Variants in ALDH1A2 observed in about 807,000 individuals in gnomAD.
The protein encoded by ALDH1A2 is retinal dehydrogenase 2.
A neutral mutation model predicts 60.3 loss-of-function variants in ALDH1A2; 27 were observed. The ratio of observed to expected loss-of-function variants is 0.45; its 90% CI spans 0.33 to 0.62. ALDH1A2 has a LOEUF of 0.62. Ranked by LOEUF, ALDH1A2 falls within the 20% of genes least tolerant of loss-of-function variation. The probability of loss-of-function intolerance (pLI) is 0.02; values close to 1 mark genes in which losing one functional copy is unlikely to be tolerated. For missense variants in ALDH1A2, 581 were observed against 643.8 expected, an observed-to-expected ratio of 0.90 and a Z score of 1.06; for synonymous variants, 289 against 232.4, an observed-to-expected ratio of 1.24 and a Z score of -2.21.
At chr15:58,047,709 A>G (rs1315783147) in intron 1 of ALDH1A2, among the ~76,000 whole-genome samples, 1 of 152,040 alleles carries the variant, frequency 6.6e-6, no homozygotes, top group African/African-American at 2.4e-5. Flanking sequence ...TGCTCAGATC[A>G]TTTAGAGAGG....
chr15:57,984,728 T>C (rs1431552652), intron 7 of ALDH1A2, among the ~76,000 whole-genome samples: 4 of 152,248 alleles, frequency 2.6e-5, no homozygotes, highest in Non-Finnish European at 5.9e-5. Context: ...TTCCATTGTA[T>C]GGATAGACCA....
chr15:57,987,110 G>A (rs926176256), intron 7 of ALDH1A2, among the ~76,000 whole-genome samples: 7 of 151,924 alleles, frequency 4.6e-5, no homozygotes, highest in African/African-American at 1.7e-4. Flanking sequence ...ATATACGAAC[G>A]TCAAAGATGA....
chr15:57,990,044 CAGAAAAAGACTAA>C (rs1894842826), intron 7 of ALDH1A2, among the ~76,000 whole-genome samples: 1 of 150,842 alleles, frequency 6.6e-6, no homozygotes, highest in African/African-American at 2.4e-5. Context: ...CAGAAGCTGT[CAGAAAAAGACTAA>C]AGGAGAAGAC....
rs1895026665 is a variant in ALDH1A2, at chr15:57,995,487, G to C, written c.494-348C>G. ...AAATATTAAAATAACATGTAGAACA[G>C]TTGTTTGATTTAAAAACTGAGTCAA... On this transcript the variant is annotated intron_variant, in intron 4 of 12. Coordinates refer to ENST00000249750, the MANE Select transcript of ALDH1A2 (RefSeq NM_003888.4). Among the ~76,000 whole-genome samples, 3 of 152,024 alleles carry C rather than the reference G, an allele frequency of 2.0e-5. No homozygotes were observed. In the South Asian group the frequency reaches 6.2e-4, roughly 31 times the overall value.
rs34970549 is a variant in ALDH1A2 at position 57,994,284 on chromosome 15, A to G, written c.555+794T>C. 2.4e-4 allele frequency among the ~76,000 whole-genome samples: 36 copies of G among 152,314 alleles called. No homozygotes were observed. In the East Asian group the frequency reaches 2.5e-3, roughly 11 times the overall value. The stretch of plus-strand genomic sequence containing the variant: ...TTTCACAGTAACCTGGGATTCATCA[A>G]TTATTCAAATAAATATTATATCTTC... On this transcript the variant is annotated intron_variant, in intron 5 of 12. Coordinates refer to ENST00000249750, the MANE Select transcript of ALDH1A2 (RefSeq NM_003888.4).
In ALDH1A2 at chr15:57,954,078, CA is replaced by C. The variant is rs1207782518; in HGVS notation, c.*1118del. 3 of 152,372 alleles carry C rather than the reference CA, an allele frequency of 2.0e-5. No homozygotes were observed. Among genetic ancestry groups the C allele is most frequent in the Non-Finnish European group, 4.4e-5 (3 of 68,092 alleles). 9.4% of individuals were successfully genotyped at this position (152,372 alleles called of 1,614,324 possible). A position where few individuals can be genotyped will look rare whatever the true frequency, so the allele number is the denominator to read the frequency against. On this transcript the variant is annotated 3_prime_UTR_variant, in exon 13 of 13. Coordinates refer to ENST00000249750, the MANE Select transcript of ALDH1A2 (RefSeq NM_003888.4). ...TCAGTGGAGCACGGCAGTCCTGGCA[CA>C]ATGGAACTTGGCAAATGGAAAAGGA...
Position 58,013,059 on chromosome 15 carries a change from G to C in ALDH1A2, c.363+799C>G, listed in dbSNP as rs35760783. Among the ~76,000 whole-genome samples the C allele has an allele frequency of 2.6e-3, 402 of 152,262 alleles. 1 individual carries two copies. The highest frequency in any genetic ancestry group is 9.2e-3 in the African/African-American group (381 of 41,544). On this transcript the variant is annotated intron_variant, in intron 3 of 12. Transcript: ENST00000249750. ...AAACCCATTAGGGCAGGAGAAGTTC[G>C]TTATGTGAGGAAAATCATTGTTTTA...
Position 58,045,135 on chromosome 15 carries a change from CAT to C in ALDH1A2, c.117+20397_117+20398del, listed in dbSNP as rs1372576302. The stretch of plus-strand genomic sequence containing the variant: ...AGAAGACATTTATGCAGCCAACAAA[CAT>C]ATGAAAAAATGCTCATCATTGGTCA... On this transcript the variant is annotated intron_variant, in intron 1 of 12. Transcript: ENST00000249750. 3.3e-5 allele frequency among the ~76,000 whole-genome samples: 5 copies of C among 151,952 alleles called. No individual in the cohort carries two copies. In the East Asian group the frequency reaches 5.8e-4, roughly 18 times the overall value.
At chr15:58,061,276 A>AT (rs1449950027) in intron 1 of ALDH1A2, among the ~76,000 whole-genome samples, 3 of 150,676 alleles carry the variant, frequency 2.0e-5, no homozygotes, top group African/African-American at 7.4e-5. Flanking sequence ...ATGAAAAAGT[A>AT]TTTAAAAAAA....
At chr15:58,034,056 T>G (rs1462076643) in intron 1 of ALDH1A2, among the ~76,000 whole-genome samples, 2 of 151,774 alleles carry the variant, frequency 1.3e-5, no homozygotes, top group African/African-American at 4.8e-5. Flanking sequence ...GGGATTGCAT[T>G]GAATCTACAT....
At chr15:58,008,505 G>A (rs941841922) in intron 4 of ALDH1A2, among the ~76,000 whole-genome samples, 2 of 152,062 alleles carry the variant, frequency 1.3e-5, no homozygotes, top group Admixed American at 1.3e-4. Flanking sequence ...TATCAGGGAT[G>A]TCAATCAATA....
intron 3 of ALDH1A2, 147 bp from the exon 4 acceptor site, chr15:58,010,925 G>C: frequency 9.1e-7 from 1 of 1,103,478 alleles, no homozygotes; most frequent in Non-Finnish European, 1.3e-6. Context: ...CAAATAAAAA[G>C]ATTTCTAGTA....
intron 12 of ALDH1A2, among the ~76,000 whole-genome samples, chr15:57,957,120 C>G (rs535075394): frequency 5.5e-4 from 83 of 152,200 alleles, no homozygotes; most frequent in African/African-American, 1.9e-3. Context: ...TAGAGCAGCA[C>G]GACTGAGGAG....
At chr15:58,010,563 G>T in intron 4 of ALDH1A2, 86 bp downstream of exon 4, 2 of 1,558,368 alleles carry the variant, frequency 1.3e-6, no homozygotes, top group South Asian at 2.3e-5. Context: ...TCTGTATTCT[G>T]TGTGACTGCT....
chr15:58,022,339 T>C (rs972523939), intron 1 of ALDH1A2, among the ~76,000 whole-genome samples: 4 of 152,188 alleles, frequency 2.6e-5, no homozygotes, highest in Admixed American at 6.5e-5. Flanking sequence ...AGCTGAAATC[T>C]ACCTGCAAGT....
At chr15:58,012,131 T>C (rs1274671337) in intron 3 of ALDH1A2, 1 of 152,052 alleles carries the variant, frequency 6.6e-6, no homozygotes, top group Admixed American at 6.6e-5. Flanking sequence ...CTCATTTAGG[T>C]GTGGTAGGAA....
At chr15:57,973,041 C>CTGTT (rs1894123112) in intron 7 of ALDH1A2, among the ~76,000 whole-genome samples, 1 of 152,178 alleles carries the variant, frequency 6.6e-6, no homozygotes, top group South Asian at 2.1e-4. Flanking sequence ...GATAATACAG[C>CTGTT]TGTTAGCTAC....
intron 1 of ALDH1A2, among the ~76,000 whole-genome samples, chr15:58,022,044 C>G (rs1217311419): frequency 6.6e-6 from 1 of 152,206 alleles, no homozygotes; most frequent in African/African-American, 2.4e-5. Flanking sequence ...TGGCCAAATC[C>G]TCTCCAGTGG....
intron 1 of ALDH1A2, among the ~76,000 whole-genome samples, chr15:58,020,936 T>C (rs549518826): frequency 6.6e-6 from 1 of 152,320 alleles, no homozygotes; most frequent in South Asian, 2.1e-4. Flanking sequence ...TTAGTGAATA[T>C]AAGTTCATAA....
Sources: gnomAD v4.1 joint callset for allele counts (sites outside exome capture counted in the v4.1 genomes callset) on GRCh38, gnomAD v4.1.1 for gene constraint, MANE v1.5 for transcripts, NCBI Gene and HGNC (gene_info 2026-07-23, HGNC 2026-07-21) for gene names.